The following KBTBD6 variants were observed in gnomAD, a reference collection of about 807,000 sequenced individuals.
KBTBD6 encodes kelch repeat and BTB domain-containing protein 6.
In KBTBD6, 6 loss-of-function variants were observed where a neutral mutation model predicts 34.4. That is an observed-to-expected ratio of 0.17 (90% CI 0.10 to 0.34). KBTBD6 has a LOEUF of 0.34. KBTBD6 is among the 10% of genes least tolerant of loss of function. The pLI is 1.00. For missense variants in KBTBD6, 557 were observed against 856.0 expected (o/e 0.65, Z 4.36); for synonymous variants, 288 against 327.2 (o/e 0.88, Z 1.29).
Position 41,132,451 on chromosome 13 carries a change from G to C in KBTBD6, c.61C>G (p.Arg21Gly). The change falls in exon 1 of 1, where the codon CGG becomes GGG. Residue 21 changes from arginine to glycine, a missense_variant. Physicochemically the swap from Arg to Gly is moderately radical, Grantham distance 125. Coordinates refer to ENST00000379485, the MANE Select transcript of KBTBD6 (RefSeq NM_152903.5). ...GTGGGTTTGTGAATCTTCTTGGGCC[G>C]CTTCCCACCACGGGGACTGGCTAGG... Reference protein sequence around the residue: ...RRLASPRGGKRPKKIHKPTVS... With the variant: ...RRLASPRGGKGPKKIHKPTVS... 6.2e-7 allele frequency: 1 copy of C among 1,614,218 alleles called. No individual in the cohort carries two copies. Among genetic ancestry groups the C allele is most frequent in the Non-Finnish European group, 8.5e-7 (1 of 1,180,042 alleles).
rs754445408 is a variant in KBTBD6 at position 41,130,985 on chromosome 13, A to G, written c.1527T>C (p.Ser509=). The G allele has an allele frequency of 1.2e-6, 2 of 1,613,878 alleles. No individual in the cohort carries two copies. The highest frequency in any genetic ancestry group is 2.7e-5 in the African/African-American group (2 of 74,908). Residue 509 remains serine, a synonymous_variant, in exon 1 of 1, where the codon TCT becomes TCC. Coordinates refer to ENST00000379485, the MANE Select transcript of KBTBD6 (RefSeq NM_152903.5). The surrounding 1 kb of genome is among the most constrained non-coding windows in gnomAD (Gnocchi z 4.8). ...CTTCCTGAAAGTCATTGCGCTTCAG[A>G]GAAACGCACTTCAGCCACATATTGT... ...PSHNMWLKCV[S]LKRNDFQEAC... is the part of the protein sequence containing the mutation.
Position 41,132,444 on chromosome 13 carries a change from T to C in KBTBD6, c.68A>G (p.Lys23Arg), listed in dbSNP as rs1404161631. ...LASPRGGKRP[K>R]KIHKPTVSAF... ...CGAAACTGTGGGTTTGTGAATCTTC[T>C]TGGGCCGCTTCCCACCACGGGGACT... Residue 23 changes from lysine to arginine, a missense_variant, in exon 1 of 1, where the codon AAG becomes AGG. Lys to Arg is a conservative substitution (Grantham distance 26, BLOSUM62 2). Coordinates refer to ENST00000379485, the MANE Select transcript of KBTBD6 (RefSeq NM_152903.5). 1 of 1,614,242 alleles carries C rather than the reference T, an allele frequency of 6.2e-7. No individual in the cohort carries two copies. The highest frequency in any genetic ancestry group is 8.5e-7 in the Non-Finnish European group (1 of 1,180,028).
chr13:41,132,432 T>C lies in KBTBD6; in HGVS notation c.80A>G (p.Lys27Arg), dbSNP rs1298326298. 6 of 1,614,228 alleles carry C rather than the reference T, an allele frequency of 3.7e-6. No individual in the cohort carries two copies. Among genetic ancestry groups the C allele is most frequent in the Non-Finnish European group, 2.5e-6 (3 of 1,180,028 alleles). The change falls in exon 1 of 1, where the codon AAA becomes AGA. Residue 27 changes from lysine to arginine, a missense_variant. Lys to Arg is a conservative substitution (Grantham distance 26). Around this residue, in one of 4 missense-constraint regions of KBTBD6, gnomAD observed 40 missense variants for 39.9 expected, o/e 1.00. Transcript: ENST00000379485. ...CGTGAAAAAGGCCGAAACTGTGGGT[T>C]TGTGAATCTTCTTGGGCCGCTTCCC... ...RGGKRPKKIHKPTVSAFFTGP... is the reference protein window; with the variant it reads ...RGGKRPKKIHRPTVSAFFTGP...
At position 41,130,331 on chromosome 13, in the gene KBTBD6, G is replaced by A. The variant is rs182018655; in HGVS notation, c.*156C>T. On this transcript the variant is annotated 3_prime_UTR_variant, in exon 1 of 1. Coordinates refer to ENST00000379485, the MANE Select transcript of KBTBD6 (RefSeq NM_152903.5). This position sits in a 1 kb window ranked among gnomAD's most constrained non-coding sequence, Gnocchi z 4.8. ...AAATTTGTAACATTAAATTACCTTC[G>A]TATTTCAAACATTACTTTTTCTAAA... 19 of 561,334 alleles carry A rather than the reference G, an allele frequency of 3.4e-5. No individual in the cohort carries two copies. The highest frequency in any genetic ancestry group is 2.6e-4 in the East Asian group (9 of 34,072). 34.8% of individuals were successfully genotyped at this position (561,334 alleles called of 1,614,324 possible).
chr13:41,128,678 G>C lies in KBTBD6; in HGVS notation c.*1809C>G, dbSNP rs1314491695. ...GGATCTCGTTCTGTTGCCAAAGCTG[G>C]AGTGCTGAGACATGATCATAGCTGC... is the stretch of plus-strand genomic sequence containing the variant. On this transcript the variant is annotated 3_prime_UTR_variant, in exon 1 of 1. Transcript: ENST00000379485. 1.3e-5 allele frequency: 5 copies of C among 378,422 alleles called. No homozygotes were observed. The highest frequency in any genetic ancestry group is 1.9e-5 in the Non-Finnish European group (4 of 212,470). 23.4% of individuals were successfully genotyped at this position (378,422 alleles called of 1,614,324 possible).
rs749122534 is a variant in KBTBD6, at chr13:41,131,420, C to T, written c.1092G>A (p.Gly364=). 2 of 1,613,990 alleles carry T rather than the reference C, an allele frequency of 1.2e-6. No individual in the cohort carries two copies. Among genetic ancestry groups the T allele is most frequent in the East Asian group, 2.2e-5 (1 of 44,866 alleles). ...DPFLCCDPYS[G]DLYKVPSPLT... is the part of the protein sequence containing the mutation. ...AAGGTGACGGCACTTTGTAAAGGTC[C>T]CCCGAGTATGGATCACAGCAGAGAA... is the stretch of plus-strand genomic sequence containing the variant. Residue 364 remains glycine, a synonymous_variant, in exon 1 of 1, where the codon GGG becomes GGA. Transcript: ENST00000379485. The surrounding 1 kb of genome is among the most constrained non-coding windows in gnomAD (Gnocchi z 5.8).
Position 41,127,827 on chromosome 13 carries a change from G to A in KBTBD6, c.*2660C>T, listed in dbSNP as rs1254496383. 1.3e-5 allele frequency: 2 copies of A among 152,134 alleles called. No individual in the cohort carries two copies. The highest frequency in any genetic ancestry group is 4.8e-5 in the African/African-American group (2 of 41,440). 9.4% of individuals were successfully genotyped at this position (152,134 alleles called of 1,614,324 possible). ...AGCACTGTCATGTTTCAACCTTAGA[G>A]AACAAAAAGCTATCAACAAGATAGT... On this transcript the variant is annotated 3_prime_UTR_variant, in exon 1 of 1. Transcript: ENST00000379485.
In KBTBD6 at chr13:41,132,749, G is replaced by A; in HGVS notation, c.-238C>T. On this transcript the variant is annotated 5_prime_UTR_variant, in exon 1 of 1. Coordinates refer to ENST00000379485, the MANE Select transcript of KBTBD6 (RefSeq NM_152903.5). ...TCTCCGCGTCTGCTCGCCTTCACAG[G>A]ACCCGCTGGCTTGGAGCCGCAGAAG... 3 of 573,808 alleles carry A rather than the reference G, an allele frequency of 5.2e-6. No individual in the cohort carries two copies. The highest frequency in any genetic ancestry group is 2.5e-5 in the South Asian group (1 of 40,184). The allele number at this position is 573,808 out of a possible 1,614,324, so 35.5% of individuals were successfully genotyped here.
rs771097683 is a variant in KBTBD6, at chr13:41,128,422, G to A, written c.*2065C>T. On this transcript the variant is annotated 3_prime_UTR_variant, in exon 1 of 1. Coordinates refer to ENST00000379485, the MANE Select transcript of KBTBD6 (RefSeq NM_152903.5). Reference sequence around the variant, plus strand: ...TAGTGTGTTTAACAATGTCAGTTTCGTGGGATTTAGTCTCTGTTCCAGGAC... The same window carrying A: ...TAGTGTGTTTAACAATGTCAGTTTCATGGGATTTAGTCTCTGTTCCAGGAC... 1.0e-5 allele frequency: 4 copies of A among 391,238 alleles called. No individual in the cohort carries two copies. Among genetic ancestry groups the A allele is most frequent in the Admixed American group, 4.5e-5 (1 of 22,374 alleles). 24.2% of individuals were successfully genotyped at this position (391,238 alleles called of 1,614,324 possible). A position where few individuals can be genotyped will look rare whatever the true frequency, so the allele number is the denominator to read the frequency against.
At position 41,129,859 on chromosome 13, in the gene KBTBD6, G is replaced by C. The variant is rs1353927631; in HGVS notation, c.*628C>G. The C allele has an allele frequency of 6.6e-6, 1 of 151,656 alleles. No homozygotes were observed. The highest frequency in any genetic ancestry group is 1.5e-5 in the Non-Finnish European group (1 of 67,996). The allele number at this position is 151,656 out of a possible 1,614,324, so 9.4% of individuals were successfully genotyped here. On this transcript the variant is annotated 3_prime_UTR_variant, in exon 1 of 1. Coordinates refer to ENST00000379485, the MANE Select transcript of KBTBD6 (RefSeq NM_152903.5). ...ATTTTTGTATTTTTAGTAGAGACGG[G>C]GTTTCACCATGTTGGCCAGGCTGGT...
rs186354848 is a variant in KBTBD6, at chr13:41,130,347, T to G, written c.*140A>C. 3 of 620,178 alleles carry G rather than the reference T, an allele frequency of 4.8e-6. No individual in the cohort carries two copies. The African/African-American group carries it at 5.7e-5, about 12-fold the overall frequency. The allele number at this position is 620,178 out of a possible 1,614,324, so 38.4% of individuals were successfully genotyped here. A position where few individuals can be genotyped will look rare whatever the true frequency, so the allele number is the denominator to read the frequency against. Reference sequence around the variant, plus strand: ...ATTACCTTCGTATTTCAAACATTACTTTTTCTAAACCAAACCAGAAGTTAA... The same window carrying G: ...ATTACCTTCGTATTTCAAACATTACGTTTTCTAAACCAAACCAGAAGTTAA... On this transcript the variant is annotated 3_prime_UTR_variant, in exon 1 of 1. Coordinates refer to ENST00000379485, the MANE Select transcript of KBTBD6 (RefSeq NM_152903.5). The surrounding 1 kb of genome is among the most constrained non-coding windows in gnomAD (Gnocchi z 4.8).
In KBTBD6 at chr13:41,131,162, C is replaced by T. The variant is rs777482747; in HGVS notation, c.1350G>A (p.Lys450=). ...CATTGTAGCATTCCACTTCCTTCAA[C>T]TTAACTCCAGTAATAGGGTCTCGCC... The part of the protein sequence containing the change: ...LGGRDPITGV[K]LKEVECYNVK... Residue 450 remains lysine (K), a synonymous_variant, in exon 1 of 1, where the codon AAG becomes AAA. Transcript: ENST00000379485. The surrounding 1 kb of genome is among the most constrained non-coding windows in gnomAD (Gnocchi z 5.8). 4.3e-6 allele frequency: 7 copies of T among 1,614,208 alleles called. No homozygotes were observed. The highest frequency in any genetic ancestry group is 1.7e-5 in the Admixed American group (1 of 60,020).
In KBTBD6 at chr13:41,129,965, T is replaced by A. The variant is rs960688167; in HGVS notation, c.*522A>T. On this transcript the variant is annotated 3_prime_UTR_variant, in exon 1 of 1. Transcript: ENST00000379485. ...CAGGCGTGAGCCACCGCGCCCAGCC[T>A]GCATTTTTTTCTTCATAGAAGAAAA... The A allele has an allele frequency of 6.5e-6, 1 of 152,730 alleles. No homozygotes were observed. Among genetic ancestry groups the A allele is most frequent in the African/African-American group, 2.4e-5 (1 of 41,416 alleles). 9.5% of individuals were successfully genotyped at this position (152,730 alleles called of 1,614,324 possible). A position where few individuals can be genotyped will look rare whatever the true frequency, so the allele number is the denominator to read the frequency against.
At position 41,128,805 on chromosome 13, in the gene KBTBD6, A is replaced by C. The variant is rs925734654; in HGVS notation, c.*1682T>G. ...ATCCTCCCAAGTAACTGGGACTCAG[A>C]CTTGGGCCACCATGCCCAGACATAT... On this transcript the variant is annotated 3_prime_UTR_variant, in exon 1 of 1. Coordinates refer to ENST00000379485, the MANE Select transcript of KBTBD6 (RefSeq NM_152903.5). The C allele has an allele frequency of 6.5e-6, 2 of 305,886 alleles. No individual in the cohort carries two copies. Among genetic ancestry groups the C allele is most frequent in the African/African-American group, 4.3e-5 (2 of 46,986 alleles). 18.9% of individuals were successfully genotyped at this position (305,886 alleles called of 1,614,324 possible). A position where few individuals can be genotyped will look rare whatever the true frequency, so the allele number is the denominator to read the frequency against.
At position 41,130,850 on chromosome 13, in the gene KBTBD6, T is replaced by C; in HGVS notation, c.1662A>G (p.Ser554=). The C allele has an allele frequency of 6.2e-7, 1 of 1,613,894 alleles. No homozygotes were observed. Among genetic ancestry groups the C allele is most frequent in the Non-Finnish European group, 8.5e-7 (1 of 1,179,730 alleles). ...TGATAATTCTGTAGTTGTTGGTCTC[T>C]GAGACCAAGGGAATATTATTCATTT... is the stretch of plus-strand genomic sequence containing the variant. ...WRQMNNIPLV[S]ETNNYRIIKH... Residue 554 remains serine (S), a synonymous_variant, in exon 1 of 1, where the codon TCA becomes TCG. Coordinates refer to ENST00000379485, the MANE Select transcript of KBTBD6 (RefSeq NM_152903.5). The surrounding 1 kb of genome is among the most constrained non-coding windows in gnomAD (Gnocchi z 4.8).
Position 41,130,356 on chromosome 13 carries a change from A to T in KBTBD6, c.*131T>A. The T allele has an allele frequency of 4.5e-6, 3 of 664,624 alleles. No homozygotes were observed. The South Asian group carries it at 8.1e-5, about 18-fold the overall frequency. The allele number at this position is 664,624 out of a possible 1,614,324, so 41.2% of individuals were successfully genotyped here. A position where few individuals can be genotyped will look rare whatever the true frequency, so the allele number is the denominator to read the frequency against. On this transcript the variant is annotated 3_prime_UTR_variant, in exon 1 of 1. Transcript: ENST00000379485. The surrounding 1 kb of genome is among the most constrained non-coding windows in gnomAD (Gnocchi z 4.8). ...GTATTTCAAACATTACTTTTTCTAA[A>T]CCAAACCAGAAGTTAATCAACTTTT...
rs546916383 is a variant in KBTBD6, at chr13:41,129,521, C to T, written c.*966G>A. On this transcript the variant is annotated 3_prime_UTR_variant, in exon 1 of 1. Coordinates refer to ENST00000379485, the MANE Select transcript of KBTBD6 (RefSeq NM_152903.5). The stretch of plus-strand genomic sequence containing the variant: ...CACATTCTAAATTCCAAAATTAAAA[C>T]GAAACTTCTTTTCAAACAGTAGAAT... 13 of 152,088 alleles carry T rather than the reference C, an allele frequency of 8.5e-5. No homozygotes were observed. In the South Asian group the frequency reaches 1.0e-3, roughly 12 times the overall value. 9.4% of individuals were successfully genotyped at this position (152,088 alleles called of 1,614,324 possible).
In KBTBD6 at chr13:41,127,925, T is replaced by A. The variant is rs1801877405; in HGVS notation, c.*2562A>T. 1 of 152,174 alleles carries A rather than the reference T, an allele frequency of 6.6e-6. No homozygotes were observed. Among genetic ancestry groups the A allele is most frequent in the Admixed American group, 6.5e-5 (1 of 15,276 alleles). 9.4% of individuals were successfully genotyped at this position (152,174 alleles called of 1,614,324 possible). A position where few individuals can be genotyped will look rare whatever the true frequency, so the allele number is the denominator to read the frequency against. On this transcript the variant is annotated 3_prime_UTR_variant, in exon 1 of 1. Coordinates refer to ENST00000379485, the MANE Select transcript of KBTBD6 (RefSeq NM_152903.5). Reference sequence around the variant, plus strand: ...CGTATTAAGTGCAATACTTACAACATCTCTGATGTCAAATGACCAAAATTT... The same window carrying A: ...CGTATTAAGTGCAATACTTACAACAACTCTGATGTCAAATGACCAAAATTT...
chr13:41,131,388 C>G lies in KBTBD6; in HGVS notation c.1124G>C (p.Cys375Ser). ...GGTGACAGTCCTAGTGTGAGCCAGACAGGTCAAAGGTGACGGCACTTTGTA... is the reference window on the plus strand; with the variant it reads ...GGTGACAGTCCTAGTGTGAGCCAGAGAGGTCAAAGGTGACGGCACTTTGTA... ...DLYKVPSPLT[C>S]LAHTRTVTTL... Residue 375 changes from cysteine to serine, a missense_variant, in exon 1 of 1, where the codon TGT becomes TCT. Coordinates refer to ENST00000379485, the MANE Select transcript of KBTBD6 (RefSeq NM_152903.5). This position sits in a 1 kb window ranked among gnomAD's most constrained non-coding sequence, Gnocchi z 5.8. 6.2e-7 allele frequency: 1 copy of G among 1,614,126 alleles called. No homozygotes were observed. Among genetic ancestry groups the G allele is most frequent in the East Asian group, 2.2e-5 (1 of 44,878 alleles).
Sources: allele counts gnomAD v4.1 joint callset, GRCh38; gene constraint gnomAD v4.1.1; regional missense constraint gnomAD v4.1.1; non-coding constraint Gnocchi (gnomAD v3.1); transcripts MANE v1.5; gene names NCBI Gene and HGNC (gene_info 2026-07-23, HGNC 2026-07-21).